The following ARHGEF10L variants were observed in gnomAD, a reference collection of about 807,000 sequenced individuals.
ARHGEF10L encodes rho guanine nucleotide exchange factor 10-like protein.
ARHGEF10L carries 69 observed loss-of-function variants against 141.2 expected under a neutral mutation model. The observed-to-expected ratio is 0.49, with a 90% confidence interval of 0.40 to 0.60. The LOEUF is 0.60. ARHGEF10L is among the 20% of genes least tolerant of loss of function. The pLI is 0.00. For synonymous variants in ARHGEF10L, 711 were observed against 718.5 expected (o/e 0.99, Z 0.17); for missense variants, 1,482 against 1,734.3 (o/e 0.85, Z 2.58).
In ARHGEF10L at chr1:17,602,175, C is replaced by T. The variant is rs375832834; in HGVS notation, c.306C>T (p.Ser102=). Residue 102 remains serine (S), a synonymous_variant, in exon 5 of 29, where the codon TCC becomes TCT. Coordinates refer to ENST00000361221, the MANE Select transcript of ARHGEF10L (RefSeq NM_018125.4). ...SNGDAADAAF[S]GARHSSWKRK... Reference sequence around the variant, plus strand: ...GGGATGCAGCGGACGCAGCCTTCTCCGGGGCCCGGCACTCCAGCTGGAAGC... The same window carrying T: ...GGGATGCAGCGGACGCAGCCTTCTCTGGGGCCCGGCACTCCAGCTGGAAGC... The T allele has an allele frequency of 4.5e-5, 71 of 1,582,574 alleles. No homozygotes were observed. The highest frequency in any genetic ancestry group is 1.4e-4 in the South Asian group (12 of 86,484).
the ARHGEF10L span, among the ~76,000 whole-genome samples, chr1:17,531,293 C>G: frequency 3.3e-5 from 5 of 152,270 alleles, no homozygotes; most frequent in Admixed American, 3.3e-4. Flanking sequence ...TGCTGAGTCT[C>G]CCTTCCAAAC....
chr1:17,691,256 T>C, intron 27 of ARHGEF10L: 1 of 385,628 alleles, frequency 2.6e-6, no homozygotes. Flanking sequence ...TAGAATTTTT[T>C]TTTTCTTTCG....
chr1:17,588,356 C>CT (rs1187196002), intron 3 of ARHGEF10L, 90 bp from the exon 4 acceptor site: 1 of 1,482,558 alleles, frequency 6.7e-7, no homozygotes, highest in East Asian at 2.3e-5. Flanking sequence ...TGCGGCGCCC[C>CT]TGGGGAGGCT....
chr1:17,645,046 G>A (rs188801019), intron 21 of ARHGEF10L, among the ~76,000 whole-genome samples: 3 of 152,244 alleles, frequency 2.0e-5, no homozygotes, highest in South Asian at 2.1e-4. Context: ...TGAGGGTAGC[G>A]GGGGATCTGC....
In ARHGEF10L at chr1:17,648,587, A is replaced by T. The variant is rs1472348034; in HGVS notation, c.2306A>T (p.Asp769Val). The change falls in exon 22 of 29, where the codon GAT becomes GTT. Residue 769 changes from aspartate (D) to valine (V), a missense_variant. Around this residue, in one of 3 missense-constraint regions of ARHGEF10L, gnomAD observed 858 missense variants for 966.3 expected, o/e 0.89. Coordinates refer to ENST00000361221, the MANE Select transcript of ARHGEF10L (RefSeq NM_018125.4). ...AACCAGCCAGGCTGGCTATGCCCGGATGAGGACAAGAAGAGCAAAGCCCCA... is the reference window on the plus strand; with the variant it reads ...AACCAGCCAGGCTGGCTATGCCCGGTTGAGGACAAGAAGAGCAAAGCCCCA... ...EENQPGWLCP[D>V]EDKKSKAPFW... The T allele has an allele frequency of 6.2e-7, 1 of 1,613,602 alleles. No individual in the cohort carries two copies. Among genetic ancestry groups the T allele is most frequent in the African/African-American group, 1.3e-5 (1 of 74,890 alleles).
chr1:17,580,701 G>A (rs143582128), intron 2 of ARHGEF10L, 69 bp downstream of exon 2: 1 of 1,596,754 alleles, frequency 6.3e-7, no homozygotes, highest in Non-Finnish European at 8.6e-7. Flanking sequence ...GCCGGCGGAG[G>A]GCCTTGCTCT....
the ARHGEF10L span, among the ~76,000 whole-genome samples, chr1:17,531,929 G>GCC: frequency 6.6e-6 from 1 of 152,208 alleles, no homozygotes; most frequent in Non-Finnish European, 1.5e-5. Flanking sequence ...GGTTTCTGGG[G>GCC]CTGGTGCCAG....
rs541198031 is a variant in ARHGEF10L, at chr1:17,584,837, G to A, written c.38-2623G>A. ...GCAAGGGATGAGCAGAAGATTCTAC[G>A]CACATGTGCACGTGTGCGTGCACAC... On this transcript the variant is annotated intron_variant, in intron 2 of 28. Transcript: ENST00000361221. 2.6e-4 allele frequency among the ~76,000 whole-genome samples: 39 copies of A among 151,470 alleles called. 1 individual carries two copies. The South Asian group carries it at 3.1e-3, about 12-fold the overall frequency.
intron 25 of ARHGEF10L, among the ~76,000 whole-genome samples, chr1:17,658,622 G>A (rs966385170): frequency 4.6e-5 from 7 of 152,136 alleles, no homozygotes; most frequent in Non-Finnish European, 8.8e-5. Flanking sequence ...TGTACCAAAC[G>A]CTTACTGAGC....
At position 17,634,503 on chromosome 1, in the gene ARHGEF10L, C is replaced by T. The variant is rs774594261; in HGVS notation, c.1731-45C>T. On this transcript the variant is annotated intron_variant, in intron 16 of 28. Coordinates refer to ENST00000361221, the MANE Select transcript of ARHGEF10L (RefSeq NM_018125.4). ...GGTCACAGCCCCCAGATTAGCCACT[C>T]CATTGTAATAACAATCTCCCTTTCC... 8.9e-5 allele frequency: 144 copies of T among 1,614,072 alleles called. No individual in the cohort carries two copies. In the Middle Eastern group the frequency reaches 9.9e-4, roughly 11 times the overall value.
upstream of ARHGEF10L, among the ~76,000 whole-genome samples, chr1:17,534,942 AC>A (rs1472213909): frequency 6.6e-6 from 1 of 151,990 alleles, no homozygotes; most frequent in African/African-American, 2.4e-5. Context: ...GGCCTCAGGA[AC>A]TGGTTTCGGG....
intron 4 of ARHGEF10L, among the ~76,000 whole-genome samples, chr1:17,590,761 T>TCA (rs2079463303): frequency 1.3e-5 from 2 of 151,994 alleles, no homozygotes; most frequent in African/African-American, 4.8e-5. Context: ...TCAAGGTGGG[T>TCA]GGACCACTGA....
intron 25 of ARHGEF10L, among the ~76,000 whole-genome samples, chr1:17,659,650 G>A (rs1044714521): frequency 6.6e-6 from 1 of 152,218 alleles, no homozygotes; most frequent in African/African-American, 2.4e-5. Flanking sequence ...CAGGGATTGT[G>A]AAAATCTAGA....
chr1:17,578,985 G>T (rs1037904838), intron 1 of ARHGEF10L, among the ~76,000 whole-genome samples: 1 of 152,084 alleles, frequency 6.6e-6, no homozygotes, highest in African/African-American at 2.4e-5. Flanking sequence ...GGGGACTGGG[G>T]GATTAGGGCA....
In ARHGEF10L at chr1:17,644,777, G is replaced by A. The variant is rs2061498352; in HGVS notation, c.2273-3777G>A. 6.6e-6 allele frequency among the ~76,000 whole-genome samples: 1 copy of A among 152,176 alleles called. No homozygotes were observed. The highest frequency in any genetic ancestry group is 1.5e-5 in the Non-Finnish European group (1 of 68,032). ...CCCGCGGTGGGCTCAGCTGCCCTCA[G>A]TAATAGCGACAGTCAGACCATGAGC... On this transcript the variant is annotated intron_variant, in intron 21 of 28. Transcript: ENST00000361221. This position sits in a 1 kb window ranked among gnomAD's most constrained non-coding sequence, Gnocchi z 4.5.
At chr1:17,544,346 A>G (rs2076841150) in intron 1 of ARHGEF10L, among the ~76,000 whole-genome samples, 3 of 151,798 alleles carry the variant, frequency 2.0e-5, no homozygotes, top group Admixed American at 2.0e-4. Flanking sequence ...GCTGGAGTGC[A>G]ATGGCATGAT....
At chr1:17,602,003 C>T in intron 4 of ARHGEF10L, 124 bp from the exon 5 acceptor site, 1 of 813,476 alleles carries the variant, frequency 1.2e-6, no homozygotes, top group Non-Finnish European at 1.9e-6. Flanking sequence ...CACCTCAGGT[C>T]TCCCCAGCAG....
intron 9 of ARHGEF10L, among the ~76,000 whole-genome samples, chr1:17,617,734 A>G (rs2059885591): frequency 6.6e-6 from 1 of 152,052 alleles, no homozygotes; most frequent in Non-Finnish European, 1.5e-5. Context: ...CAGTTTCCTC[A>G]TCCGTACAGT....
chr1:17,611,146 C>G (rs1435186954), intron 7 of ARHGEF10L, among the ~76,000 whole-genome samples: 3 of 152,184 alleles, frequency 2.0e-5, no homozygotes, highest in Non-Finnish European at 4.4e-5. Context: ...CAAGTGGCCT[C>G]TGATCCTAAC....
Sources: allele counts gnomAD v4.1 joint callset (sites outside exome capture counted in the v4.1 genomes callset), GRCh38; gene constraint gnomAD v4.1.1; regional missense constraint gnomAD v4.1.1; non-coding constraint Gnocchi (gnomAD v3.1); transcripts MANE v1.5; gene names NCBI Gene and HGNC (gene_info 2026-07-23, HGNC 2026-07-21).